The following TUB variants were observed in gnomAD, a reference collection of about 807,000 sequenced individuals.
The protein encoded by TUB is tubby protein homolog.
In TUB, 33 loss-of-function variants were observed where a neutral mutation model predicts 59.7. The ratio of observed to expected loss-of-function variants is 0.55; its 90% confidence interval spans 0.42 to 0.74. The LOEUF is 0.74. Ranked by LOEUF, TUB falls within the 30% of genes least tolerant of loss-of-function variation. The probability of loss-of-function intolerance (pLI) is 0.00; values close to 1 mark genes in which losing one functional copy is unlikely to be tolerated. For synonymous variants in TUB, 293 were observed against 256.4 expected, an observed-to-expected ratio of 1.14 and a Z score of -1.36; for missense variants, 659 against 672.0, an observed-to-expected ratio of 0.98 and a Z score of 0.21.
chr11:8,094,477 G>C (rs556827202), intron 4 of TUB, among the ~76,000 whole-genome samples: 3 of 152,302 alleles, frequency 2.0e-5, no homozygotes, highest in South Asian at 2.1e-4. Context: ...CTTGGCCTGA[G>C]CACCCTTTAT....
At chr11:8,034,186 C>T (rs760238477), upstream of TUB, among the ~76,000 whole-genome samples, 5 of 152,124 alleles carry the variant, frequency 3.3e-5, no homozygotes, top group Non-Finnish European at 5.9e-5. Context: ...GAGGGCTGCA[C>T]CTGTGTTTAG....
At chr11:8,096,272 G>A (rs558315393) in intron 5 of TUB, among the ~76,000 whole-genome samples, 6 of 152,196 alleles carry the variant, frequency 3.9e-5, no homozygotes, top group South Asian at 2.1e-4. Flanking sequence ...GGCAGATTCC[G>A]TGGTCTATGC....
intron 2 of TUB, among the ~76,000 whole-genome samples, chr11:8,044,686 C>T (rs1328152182): frequency 6.6e-6 from 1 of 152,200 alleles, no homozygotes; most frequent in Admixed American, 6.5e-5. Context: ...AGTTTAAGGG[C>T]TCAGTCCCGC....
rs542339319 is a variant in TUB at position 8,102,740 on chromosome 11, A to G, written c.*1121A>G. ...TATTTTAGAACCACAAGAGATCAGC[A>G]GTGGCAGGACCCTTAGGAATCTAGT... On this transcript the variant is annotated 3_prime_UTR_variant, in exon 12 of 12. Coordinates refer to ENST00000299506, the MANE Select transcript of TUB (RefSeq NM_177972.3). 2.6e-5 allele frequency: 4 copies of G among 152,388 alleles called. No individual in the cohort carries two copies. Among genetic ancestry groups the G allele is most frequent in the African/African-American group, 9.6e-5 (4 of 41,594 alleles). The allele number at this position is 152,388 out of a possible 1,614,324, so 9.4% of individuals were successfully genotyped here.
chr11:8,055,447 A>T (rs992454754), intron 2 of TUB, among the ~76,000 whole-genome samples: 2 of 152,180 alleles, frequency 1.3e-5, no homozygotes, highest in Non-Finnish European at 2.9e-5. Flanking sequence ...GGGACCACCT[A>T]GACAGATGTG....
Position 8,081,472 on chromosome 11 carries a change from G to T in TUB, c.-39G>T. ...CCCGCGCCGGCCCCTCCGGGCCCCG[G>T]CCTCCAGAGCCGCAGCCACCGCCCC... is the stretch of plus-strand genomic sequence containing the variant. On this transcript the variant is annotated 5_prime_UTR_variant, in exon 1 of 12. Coordinates refer to ENST00000299506, the MANE Select transcript of TUB (RefSeq NM_177972.3). 6.9e-7 allele frequency: 1 copy of T among 1,457,738 alleles called. No individual in the cohort carries two copies. Among genetic ancestry groups the T allele is most frequent in the Non-Finnish European group, 9.0e-7 (1 of 1,110,378 alleles). The allele number at this position is 1,457,738 out of a possible 1,614,324, so 90.3% of individuals were successfully genotyped here.
chr11:8,051,661 A>G lies in TUB; in HGVS notation c.203+11969A>G, dbSNP rs73396731. Reference sequence around the variant, plus strand: ...ATTCGCCAGCTTTGCACTCACTTCAATTACAGTGTCTCTTGCCATATAGAA... The same window carrying G: ...ATTCGCCAGCTTTGCACTCACTTCAGTTACAGTGTCTCTTGCCATATAGAA... On this transcript the variant is annotated intron_variant, in intron 2 of 12. Coordinates refer to the TUB transcript ENST00000305253. 3.2e-3 allele frequency among the ~76,000 whole-genome samples: 494 copies of G among 152,300 alleles called. 3 individuals are homozygous for G. Among genetic ancestry groups the G allele is most frequent in the African/African-American group, 8.1e-3 (336 of 41,560 alleles).
At chr11:8,067,663 G>A (rs1453336517) in intron 2 of TUB, 1 of 152,266 alleles carries the variant, frequency 6.6e-6, no homozygotes, top group Non-Finnish European at 1.5e-5. Context: ...GAAAACCCCT[G>A]TCCTCAAGGA....
chr11:8,051,420 A>G (rs73396730), intron 2 of TUB, among the ~76,000 whole-genome samples: 1,565 of 152,258 alleles, frequency 0.01, 22 homozygotes, highest in African/African-American at 0.033. Context: ...TTATTTCCAT[A>G]ATTTCTAAAT....
At chr11:8,029,452 G>A (rs576609883) in intron 1 of TUB, among the ~76,000 whole-genome samples, 8 of 146,350 alleles carry the variant, frequency 5.5e-5, no homozygotes, top group South Asian at 4.3e-4. Context: ...GCAGTGGTGC[G>A]ACCTCGGCTC....
chr11:8,034,226 G>A (rs927797474), upstream of TUB, among the ~76,000 whole-genome samples: 1 of 152,200 alleles, frequency 6.6e-6, no homozygotes, highest in African/African-American at 2.4e-5. Flanking sequence ...CTAAGCACCT[G>A]CTCTGACAGC....
At position 8,094,069 on chromosome 11, in the gene TUB, A is replaced by C; in HGVS notation, c.277A>C (p.Ser93Arg). 6.2e-7 allele frequency: 1 copy of C among 1,614,180 alleles called. No homozygotes were observed. Among genetic ancestry groups the C allele is most frequent in the South Asian group, 1.1e-5 (1 of 91,082 alleles). ...AGTTCAAGAGGCCGACTCACTCGCC[A>C]GTGTGCAGCTGGGAGCCACGCGCCC... Reference protein sequence around the residue: ...YQVQEADSLASVQLGATRPTA... With the variant: ...YQVQEADSLARVQLGATRPTA... Residue 93 changes from serine to arginine, a missense_variant, in exon 4 of 12, where the codon AGT (serine) becomes CGT (arginine). This residue lies in a region of TUB where 321 missense variants were observed against 304.3 expected (regional missense o/e 1.05). Transcript: ENST00000299506.
chr11:8,044,372 T>A (rs929952731), intron 2 of TUB, among the ~76,000 whole-genome samples: 19 of 152,262 alleles, frequency 1.2e-4, no homozygotes, highest in African/African-American at 4.6e-4. Flanking sequence ...TTTTCATCTC[T>A]TGAAGCTTGA....
At chr11:8,019,729 G>T (rs933282070) in intron 1 of TUB, among the ~76,000 whole-genome samples, 2 of 151,828 alleles carry the variant, frequency 1.3e-5, no homozygotes, top group African/African-American at 4.8e-5. Context: ...GGCCCCTGGC[G>T]GGCGGGGCGA....
intron 2 of TUB, among the ~76,000 whole-genome samples, chr11:8,043,689 T>C (rs1474767673): frequency 1.3e-5 from 2 of 152,230 alleles, no homozygotes; most frequent in Non-Finnish European, 2.9e-5. Context: ...GATGCTTTTG[T>C]AAATTGAATT....
At chr11:8,045,629 T>A (rs1047374881) in intron 2 of TUB, among the ~76,000 whole-genome samples, 17 of 152,218 alleles carry the variant, frequency 1.1e-4, no homozygotes, top group Non-Finnish European at 2.1e-4. Context: ...AGATTAGGGA[T>A]GCTGAACCAG....
In TUB at chr11:8,051,656, C is replaced by G. The variant is rs544454266; in HGVS notation, c.203+11964C>G. On this transcript the variant is annotated intron_variant, in intron 2 of 12. Coordinates refer to the TUB transcript ENST00000305253. ...TGCATATTCGCCAGCTTTGCACTCA[C>G]TTCAATTACAGTGTCTCTTGCCATA... is the stretch of plus-strand genomic sequence containing the variant. Among the ~76,000 whole-genome samples the G allele has an allele frequency of 2.0e-5, 3 of 152,326 alleles. No individual in the cohort carries two copies. The East Asian group carries it at 5.8e-4, about 29-fold the overall frequency.
At chr11:8,027,810 C>T (rs779092828) in intron 1 of TUB, among the ~76,000 whole-genome samples, 36 of 152,244 alleles carry the variant, frequency 2.4e-4, no homozygotes, top group Non-Finnish European at 4.7e-4. Flanking sequence ...CCACTGTGCA[C>T]AGCCAGCATT....
chr11:8,050,644 A>AT (rs1191590223), intron 2 of TUB, among the ~76,000 whole-genome samples: 10 of 152,068 alleles, frequency 6.6e-5, no homozygotes, highest in East Asian at 3.9e-4. Context: ...TCCTTAATTC[A>AT]TTTTTTTTAA....
Sources: gnomAD v4.1 joint callset for allele counts (sites outside exome capture counted in the v4.1 genomes callset) on GRCh38, gnomAD v4.1.1 for gene constraint, gnomAD v4.1.1 regional missense constraint, MANE v1.5 for transcripts, NCBI Gene and HGNC (gene_info 2026-07-23, HGNC 2026-07-21) for gene names.